Variants in ZCCHC7 observed in about 807,000 individuals in gnomAD.
ZCCHC7 encodes zinc finger CCHC domain-containing protein 7.
ZCCHC7 carries 35 observed loss-of-function variants against 52.0 expected under a neutral mutation model. The observed-to-expected ratio is 0.67, with a 90% CI of 0.51 to 0.89. The LOEUF (loss-of-function observed/expected upper bound fraction) is 0.89. Ranked by LOEUF, ZCCHC7 falls within the 40% of genes least tolerant of loss-of-function variation. The probability of loss-of-function intolerance (pLI) is 0.00; values close to 1 mark genes in which losing one functional copy is unlikely to be tolerated. For missense variants in ZCCHC7, 574 were observed against 649.1 expected (o/e 0.88, Z 1.26); for synonymous variants, 217 against 221.5 (o/e 0.98, Z 0.18).
intron 2 of ZCCHC7, among the ~76,000 whole-genome samples, chr9:37,269,014 A>C (rs1327326415): frequency 6.6e-6 from 1 of 152,218 alleles, no homozygotes; most frequent in Non-Finnish European, 1.5e-5. Flanking sequence ...GAAATCCAAA[A>C]GAATTAACTA....
At chr9:37,162,345 T>TAA (rs1821152746) in intron 2 of ZCCHC7, among the ~76,000 whole-genome samples, 1 of 152,160 alleles carries the variant, frequency 6.6e-6, no homozygotes, top group South Asian at 2.1e-4. Context: ...GAACATAACC[T>TAA]AAATCTCCAG....
intron 2 of ZCCHC7, among the ~76,000 whole-genome samples, chr9:37,242,421 A>T (rs147959868): frequency 9.2e-5 from 14 of 151,946 alleles, no homozygotes; most frequent in African/African-American, 3.1e-4. Flanking sequence ...TGCTATATGT[A>T]TGAGGGCACT....
chr9:37,213,672 C>A (rs1346153581), intron 2 of ZCCHC7, among the ~76,000 whole-genome samples: 1 of 152,132 alleles, frequency 6.6e-6, no homozygotes, highest in African/African-American at 2.4e-5. Context: ...TACATGAATT[C>A]TAATCCTACT....
chr9:37,323,270 T>G (rs1434993343), intron 5 of ZCCHC7, among the ~76,000 whole-genome samples: 1 of 152,208 alleles, frequency 6.6e-6, no homozygotes. Flanking sequence ...TTAGCAACTA[T>G]TTGTGAAATT....
intron 2 of ZCCHC7, among the ~76,000 whole-genome samples, chr9:37,131,527 C>T (rs1842784101): frequency 1.3e-5 from 2 of 152,020 alleles, no homozygotes; most frequent in Admixed American, 1.3e-4. Context: ...CATCTGTAAT[C>T]CCAGCTACTT....
At chr9:37,142,810 A>C (rs1256777401) in intron 2 of ZCCHC7, among the ~76,000 whole-genome samples, 1 of 151,820 alleles carries the variant, frequency 6.6e-6, no homozygotes, top group African/African-American at 2.4e-5. Flanking sequence ...TGAATAACCT[A>C]AAATATATTT....
intron 2 of ZCCHC7, among the ~76,000 whole-genome samples, chr9:37,241,125 A>G (rs1588536284): frequency 6.6e-6 from 1 of 151,852 alleles, no homozygotes; most frequent in East Asian, 1.9e-4. Flanking sequence ...TGGGTCAAAG[A>G]TATTTTTCTT....
chr9:37,255,990 A>C (rs570970829), intron 2 of ZCCHC7, among the ~76,000 whole-genome samples: 9 of 152,136 alleles, frequency 5.9e-5, no homozygotes, highest in Non-Finnish European at 1.2e-4. Flanking sequence ...CTTCCAACAG[A>C]TATTTTTAAT....
Position 37,305,542 on chromosome 9 carries a change from A to G in ZCCHC7, c.781-2A>G. 3.7e-6 allele frequency: 6 copies of G among 1,613,286 alleles called. No individual in the cohort carries two copies. Among genetic ancestry groups the G allele is most frequent in the Non-Finnish European group, 5.1e-6 (6 of 1,179,828 alleles). The stretch of plus-strand genomic sequence containing the variant: ...AGATTTTATGTTTTTTTCGCCACAT[A>G]GAAAGTTCGTCGCTGCTTCCTGTGC... On this transcript the variant is annotated splice_acceptor_variant, in intron 4 of 8. Transcript: ENST00000336755. LOFTEE classifies it high-confidence loss of function.
chr9:37,254,524 T>C (rs1479142139), intron 2 of ZCCHC7, among the ~76,000 whole-genome samples: 1 of 151,878 alleles, frequency 6.6e-6, no homozygotes, highest in Non-Finnish European at 1.5e-5. Context: ...AGTGATAAAA[T>C]CTAGGAAAGA....
At chr9:37,275,633 CT>C (rs1250698953) in intron 2 of ZCCHC7, among the ~76,000 whole-genome samples, 1 of 151,844 alleles carries the variant, frequency 6.6e-6, no homozygotes, top group Non-Finnish European at 1.5e-5. Context: ...ATGGCAGACT[CT>C]TTTTTCTTTT....
At chr9:37,212,728 T>G (rs1338887850) in intron 2 of ZCCHC7, among the ~76,000 whole-genome samples, 1 of 152,196 alleles carries the variant, frequency 6.6e-6, no homozygotes, top group Non-Finnish European at 1.5e-5. Flanking sequence ...GTTAATACTT[T>G]TCTTCCTCTT....
intron 2 of ZCCHC7, among the ~76,000 whole-genome samples, chr9:37,134,411 T>C (rs1842917218): frequency 6.6e-6 from 1 of 152,250 alleles, no homozygotes; most frequent in Non-Finnish European, 1.5e-5. Context: ...TCAGATTTTC[T>C]CTCTGTTGTT....
intron 1 of ZCCHC7, among the ~76,000 whole-genome samples, chr9:37,124,631 T>C (rs528643520): frequency 3.3e-5 from 5 of 152,262 alleles, no homozygotes; most frequent in African/African-American, 1.2e-4. Flanking sequence ...AAAGTACTTA[T>C]GGAAGCCCAT....
intron 2 of ZCCHC7, 78 bp downstream of exon 2, chr9:37,127,020 T>C: frequency 1.3e-6 from 2 of 1,516,640 alleles, no homozygotes; most frequent in Non-Finnish European, 1.8e-6. Flanking sequence ...AAAAGACCAA[T>C]AGGGTCTACT....
chr9:37,203,298 T>C (rs925713049), intron 2 of ZCCHC7, among the ~76,000 whole-genome samples: 1 of 152,238 alleles, frequency 6.6e-6, no homozygotes, highest in African/African-American at 2.4e-5. Flanking sequence ...GAAAATATTT[T>C]TCTTTAAAAA....
chr9:37,122,840 G>A (rs1369322754), intron 1 of ZCCHC7, among the ~76,000 whole-genome samples: 1 of 152,224 alleles, frequency 6.6e-6, no homozygotes, highest in African/African-American at 2.4e-5. Flanking sequence ...GGGAGGCGGA[G>A]GCAGGAGAAT....
At position 37,156,832 on chromosome 9, in the gene ZCCHC7, C is replaced by A. The variant is rs559941830; in HGVS notation, c.610+29890C>A. On this transcript the variant is annotated intron_variant, in intron 2 of 8. Transcript: ENST00000336755. ...TCTAAGTTAGTTGATATTTATTTAC[C>A]CTTGTTACCAATGTTCTTATGTTAA... 2.0e-5 allele frequency among the ~76,000 whole-genome samples: 3 copies of A among 151,948 alleles called. No homozygotes were observed. In the South Asian group the frequency reaches 6.3e-4, roughly 32 times the overall value.
intron 5 of ZCCHC7, among the ~76,000 whole-genome samples, chr9:37,321,098 C>T (rs756570860): frequency 1.3e-5 from 2 of 150,498 alleles, no homozygotes; most frequent in Non-Finnish European, 3.0e-5. Flanking sequence ...AAGCGATTCT[C>T]CTGCCTCAGC....
Sources: allele counts gnomAD v4.1 joint callset (sites outside exome capture counted in the v4.1 genomes callset), GRCh38; gene constraint gnomAD v4.1.1; transcripts MANE v1.5; gene names NCBI Gene and HGNC (gene_info 2026-07-23, HGNC 2026-07-21).